Variants in ZNF749 observed in about 807,000 individuals in gnomAD.
The protein encoded by ZNF749 is zinc finger protein 749.
Under a neutral mutation model 7.3 loss-of-function variants are expected in ZNF749, and 8 were observed. That is an observed-to-expected ratio of 1.10 (90% CI 0.64 to 1.98). ZNF749 has a LOEUF of 1.98. ZNF749 is among the 30% of genes most tolerant of loss of function. The probability of loss-of-function intolerance (pLI) is 0.00; values close to 1 mark genes in which losing one functional copy is unlikely to be tolerated. For missense variants in ZNF749, 898 were observed against 932.4 expected (o/e 0.96, Z 0.48); for synonymous variants, 310 against 322.4 (o/e 0.96, Z 0.41).
At chr19:57,434,166 C>A (rs1052912105), upstream of ZNF749, among the ~76,000 whole-genome samples, 1 of 152,276 alleles carries the variant, frequency 6.6e-6, no homozygotes, top group Non-Finnish European at 1.5e-5. Flanking sequence ...GGCGAGATCT[C>A]GGCTCACCGT....
Position 57,443,926 on chromosome 19 carries a change from A to C in ZNF749, c.778A>C (p.Thr260Pro). 1 of 1,613,798 alleles carries C rather than the reference A, an allele frequency of 6.2e-7. No individual in the cohort carries two copies. Among genetic ancestry groups the C allele is most frequent in the Non-Finnish European group, 8.5e-7 (1 of 1,179,840 alleles). The change falls in exon 3 of 3, where the codon ACC (threonine) becomes CCC (proline). Residue 260 changes from threonine (T) to proline (P), a missense_variant. Physicochemically the swap from Thr to Pro is conservative, Grantham distance 38. Transcript: ENST00000334181. Reference sequence around the variant, plus strand: ...TTATGAGGGCACTGAATATGGAAAGACCTTTATTAGAAAGTCCAACCTAGT... The same window carrying C: ...TTATGAGGGCACTGAATATGGAAAGCCCTTTATTAGAAAGTCCAACCTAGT... ...RPYEGTEYGK[T>P]FIRKSNLVQH...
intron 2 of ZNF749, 85 bp from the exon 3 acceptor site, chr19:57,443,206 G>A (rs1239178735): frequency 8.5e-7 from 1 of 1,176,090 alleles, no homozygotes; most frequent in Non-Finnish European, 1.2e-6. Context: ...CCTCATTTGT[G>A]GGTGTGTCTC....
rs765764954 is a variant in ZNF749, at chr19:57,443,942, C to T, written c.794C>T (p.Ser265Phe). 1.9e-5 allele frequency: 31 copies of T among 1,613,748 alleles called. No individual in the cohort carries two copies. In the South Asian group the frequency reaches 3.4e-4, roughly 18 times the overall value. ...TATGGAAAGACCTTTATTAGAAAGT[C>T]CAACCTAGTTCAGCACCAGAAAATT... is the stretch of plus-strand genomic sequence containing the variant. ...TEYGKTFIRKSNLVQHQKIHS... is the reference protein window; with the variant it reads ...TEYGKTFIRKFNLVQHQKIHS... Residue 265 changes from serine (S) to phenylalanine (F), a missense_variant, in exon 3 of 3, where the codon TCC becomes TTC. Ser to Phe is a radical substitution (Grantham distance 155). Transcript: ENST00000334181.
Position 57,442,423 on chromosome 19 carries a change from A to G in ZNF749, c.142+412A>G, listed in dbSNP as rs1351279474. ...ACCTCCCTGGTCACCACTTGTGAGG[A>G]TTGTGAAGTTATTTCTGCAGGACGC... On this transcript the variant is annotated intron_variant, in intron 2 of 2. Coordinates refer to ENST00000334181, the MANE Select transcript of ZNF749 (RefSeq NM_001023561.4). This position sits in a 1 kb window ranked among gnomAD's most constrained non-coding sequence, Gnocchi z 6.6. Among the ~76,000 whole-genome samples, 1 of 152,092 alleles carries G rather than the reference A, an allele frequency of 6.6e-6. No homozygotes were observed. The highest frequency in any genetic ancestry group is 1.5e-5 in the Non-Finnish European group (1 of 68,024).
In ZNF749 at chr19:57,445,311, A is replaced by G; in HGVS notation, c.2163A>G (p.Glu721=). Residue 721 remains glutamate, a synonymous_variant, in exon 3 of 3, where the codon GAA becomes GAG. Coordinates refer to ENST00000334181, the MANE Select transcript of ZNF749 (RefSeq NM_001023561.4). ...LIIHQQSHTG[E]SPFKLRECGK... ...TACATCAGCAGTCTCACACTGGAGA[A>G]AGTCCTTTTAAGTTAAGGGAATGTG... The G allele has an allele frequency of 6.2e-7, 1 of 1,613,952 alleles. No homozygotes were observed. Among genetic ancestry groups the G allele is most frequent in the Non-Finnish European group, 8.5e-7 (1 of 1,179,836 alleles).
At chr19:57,438,002 T>G (rs1488601735) in intron 1 of ZNF749, 4 of 398,138 alleles carry the variant, frequency 1.0e-5, no homozygotes, top group Non-Finnish European at 1.8e-5. Flanking sequence ...TAGCTTCAGA[T>G]TACTTTGCTC....
At chr19:57,435,654 G>T (rs1173740260) in intron 1 of ZNF749, 61 bp downstream of exon 1, 18 of 1,576,102 alleles carry the variant, frequency 1.1e-5, no homozygotes. Context: ...AAGTCCCAAG[G>T]AGCCGCCCTG....
chr19:57,444,586 C>G lies in ZNF749; in HGVS notation c.1438C>G (p.Pro480Ala). Reference sequence around the variant, plus strand: ...TCAACACAAGAGGATTGACATTAGGCCAAGGCCTTATACATGCAGTGAATG... The same window carrying G: ...TCAACACAAGAGGATTGACATTAGGGCAAGGCCTTATACATGCAGTGAATG... ...LIQHKRIDIR[P>A]RPYTCSECGK... Residue 480 changes from proline to alanine, a missense_variant, in exon 3 of 3, where the codon CCA becomes GCA. By Grantham distance (27) the Pro-to-Ala change is conservative. Transcript: ENST00000334181. 6.2e-7 allele frequency: 1 copy of G among 1,612,770 alleles called. No homozygotes were observed. The highest frequency in any genetic ancestry group is 8.5e-7 in the Non-Finnish European group (1 of 1,179,760).
rs2089005553 is a variant in ZNF749, at chr19:57,442,791, G to A, written c.143-500G>A. ...CTCGTCACTCTTCCTTTCCTTCCCT[G>A]TTGTTATTTTTACTCTGACTTCTGA... On this transcript the variant is annotated intron_variant, in intron 2 of 2. Transcript: ENST00000334181. The surrounding 1 kb of genome is among the most constrained non-coding windows in gnomAD (Gnocchi z 6.6). Among the ~76,000 whole-genome samples the A allele has an allele frequency of 6.6e-6, 1 of 152,058 alleles. No homozygotes were observed. The highest frequency in any genetic ancestry group is 1.5e-5 in the Non-Finnish European group (1 of 68,014).
chr19:57,445,945 A>AT lies in ZNF749; in HGVS notation c.*461dup, dbSNP rs143564529. On this transcript the variant is annotated 3_prime_UTR_variant, in exon 3 of 3. Transcript: ENST00000334181. ...ACTCTGTCTCAAAAAGAAAAAAATT[A>AT]TAATTGTGGCAAATTACAGGTAACT... Among the ~76,000 whole-genome samples the AT allele has an allele frequency of 5.6e-3, 850 of 152,290 alleles. 7 individuals are homozygous for AT. The highest frequency in any genetic ancestry group is 0.02 in the African/African-American group (814 of 41,552).
rs773811413 is a variant in ZNF749, at chr19:57,443,699, A to G, written c.551A>G (p.Gln184Arg). ...GGGTGGAAGCTGTACAGGGATACCC[A>G]GGATGGGGAAGCCTTTCAAGGTGAA... is the stretch of plus-strand genomic sequence containing the variant. ...NSGWKLYRDT[Q>R]DGEAFQGEQN... Residue 184 changes from glutamine to arginine, a missense_variant, in exon 3 of 3, where the codon CAG (glutamine) becomes CGG (arginine). Physicochemically the swap from Gln to Arg is conservative, Grantham distance 43. Coordinates refer to ENST00000334181, the MANE Select transcript of ZNF749 (RefSeq NM_001023561.4). 6 of 1,613,984 alleles carry G rather than the reference A, an allele frequency of 3.7e-6. No homozygotes were observed. In the Admixed American group the frequency reaches 1.0e-4, roughly 27 times the overall value.
the ZNF749 span, among the ~76,000 whole-genome samples, chr19:57,429,913 T>C: frequency 6.6e-6 from 1 of 152,336 alleles, no homozygotes; most frequent in East Asian, 1.9e-4. The surrounding 1 kb of genome is among the most constrained non-coding windows in gnomAD (Gnocchi z 4.2). Flanking sequence ...TTGTAGCTAC[T>C]CTGTTCGAAT....
upstream of ZNF749, among the ~76,000 whole-genome samples, chr19:57,434,874 C>T (rs921356756): frequency 1.3e-5 from 2 of 152,218 alleles, no homozygotes; most frequent in Non-Finnish European, 2.9e-5. Flanking sequence ...CACAAAAGAG[C>T]TGACCGCTAT....
At chr19:57,440,520 G>C (rs974376290) in intron 1 of ZNF749, among the ~76,000 whole-genome samples, 1 of 152,066 alleles carries the variant, frequency 6.6e-6, no homozygotes. Context: ...TGCCCCAGGC[G>C]CTAGGGAACA....
Position 57,435,567 on chromosome 19 carries a change from G to C in ZNF749, c.-12G>C, listed in dbSNP as rs1200835622. The C allele has an allele frequency of 6.2e-7, 1 of 1,604,474 alleles. No homozygotes were observed. The highest frequency in any genetic ancestry group is 1.7e-5 in the Admixed American group (1 of 59,064). On this transcript the variant is annotated 5_prime_UTR_variant, in exon 1 of 3. Transcript: ENST00000334181. ...CCGCTCTTCCCTGGGTGGACTGGAG[G>C]AGGCCGCGCCGATGAACCTGACCGA...
intron 1 of ZNF749, among the ~76,000 whole-genome samples, chr19:57,438,910 A>C (rs1464441079): frequency 6.6e-6 from 1 of 152,194 alleles, no homozygotes; most frequent in East Asian, 1.9e-4. Flanking sequence ...GGTGCGACTT[A>C]GCTGGGATGT....
chr19:57,443,241 T>C, intron 2 of ZNF749, 50 bp from the exon 3 acceptor site: 2 of 1,496,796 alleles, frequency 1.3e-6, no homozygotes, highest in Non-Finnish European at 1.8e-6. Flanking sequence ...TGGGGCTGTC[T>C]CCTCCCTCCG....
Position 57,443,311 on chromosome 19 carries a change from G to A in ZNF749, c.163G>A (p.Asp55Asn), listed in dbSNP as rs368095516. The A allele has an allele frequency of 5.6e-6, 9 of 1,607,284 alleles. No homozygotes were observed. The highest frequency in any genetic ancestry group is 7.7e-6 in the Non-Finnish European group (9 of 1,175,666). The change falls in exon 3 of 3, where the codon GAT (aspartate) becomes AAT (asparagine). Residue 55 changes from aspartate to asparagine, a missense_variant. Coordinates refer to ENST00000334181, the MANE Select transcript of ZNF749 (RefSeq NM_001023561.4). ...SSVGCWHGAK[D>N]EEVPSKQCVS... ...TACAGGTTGTTGGCATGGAGCCAAG[G>A]ATGAGGAGGTACCTTCCAAGCAGTG... is the stretch of plus-strand genomic sequence containing the variant.
intron 1 of ZNF749, chr19:57,437,984 A>G (rs974409325): frequency 3.5e-5 from 14 of 397,550 alleles, no homozygotes; most frequent in African/African-American, 1.6e-4. Flanking sequence ...TGAACTTAGG[A>G]CTTGCTGTAG....
Sources: gnomAD v4.1 joint callset for allele counts (sites outside exome capture counted in the v4.1 genomes callset) on GRCh38, gnomAD v4.1.1 for gene constraint, Gnocchi (gnomAD v3.1) non-coding constraint, MANE v1.5 for transcripts, NCBI Gene and HGNC (gene_info 2026-07-23, HGNC 2026-07-21) for gene names.